Variants in NFIB observed in about 807,000 individuals in gnomAD.
NFIB encodes nuclear factor 1 B-type.
In NFIB, 11 loss-of-function variants were observed where a neutral mutation model predicts 61.5. The ratio of observed to expected loss-of-function variants is 0.18; its 90% CI spans 0.11 to 0.30. The LOEUF (loss-of-function observed/expected upper bound fraction) is 0.30. Ranked by LOEUF, NFIB falls within the 10% of genes least tolerant of loss-of-function variation. The pLI is 1.00. For missense variants in NFIB, 471 were observed against 608.9 expected, an observed-to-expected ratio of 0.77 and a Z score of 2.38; for synonymous variants, 260 against 216.5, an observed-to-expected ratio of 1.20 and a Z score of -1.76.
chr9:14,267,521 T>C (rs2057298050), intron 2 of NFIB, among the ~76,000 whole-genome samples: 1 of 152,206 alleles, frequency 6.6e-6, no homozygotes, highest in Admixed American at 6.5e-5. Context: ...TCCTATTTCA[T>C]TTCCTCAGAA....
chr9:14,168,756 A>G (rs989380587), intron 3 of NFIB, among the ~76,000 whole-genome samples: 1 of 152,214 alleles, frequency 6.6e-6, no homozygotes, highest in Non-Finnish European at 1.5e-5. Context: ...CAAAGTGTAA[A>G]GGTTTTTAAA....
upstream of NFIB, among the ~76,000 whole-genome samples, chr9:14,315,433 G>A (rs542373426): frequency 6.7e-6 from 1 of 149,302 alleles, no homozygotes; most frequent in Non-Finnish European, 1.5e-5. Flanking sequence ...CTGCAGCCCC[G>A]CTGGCTGGCT....
At chr9:14,134,150 C>T (rs2040728408) in intron 6 of NFIB, among the ~76,000 whole-genome samples, 1 of 152,160 alleles carries the variant, frequency 6.6e-6, no homozygotes, top group Admixed American at 6.5e-5. Context: ...CTATAAATTT[C>T]TGTCAGAGGA....
intron 1 of NFIB, among the ~76,000 whole-genome samples, chr9:14,381,106 A>T (rs1469199644): frequency 6.7e-6 from 1 of 149,866 alleles, no homozygotes; most frequent in African/African-American, 2.5e-5. Context: ...AGATAATTAT[A>T]ATAATGCCTA....
At chr9:14,455,716 G>C in the NFIB span, among the ~76,000 whole-genome samples, 1 of 152,130 alleles carries the variant, frequency 6.6e-6, no homozygotes, top group African/African-American at 2.4e-5. Flanking sequence ...TCTCAGGGAA[G>C]CTATACATTC....
At chr9:14,135,879 A>G (rs1232102328) in intron 6 of NFIB, among the ~76,000 whole-genome samples, 1 of 152,192 alleles carries the variant, frequency 6.6e-6, no homozygotes, top group Non-Finnish European at 1.5e-5. Context: ...TGAGTTATTT[A>G]ATCTTAATTA....
the NFIB span, among the ~76,000 whole-genome samples, chr9:14,477,201 TAGG>T: frequency 2.6e-5 from 4 of 152,304 alleles, no homozygotes; most frequent in African/African-American, 7.2e-5. Flanking sequence ...GGTGTGGCAT[TAGG>T]AGAAGTGACT....
intron 2 of NFIB, among the ~76,000 whole-genome samples, chr9:14,291,144 CAGG>C (rs1375353271): frequency 6.6e-6 from 1 of 152,052 alleles, no homozygotes; most frequent in Non-Finnish European, 1.5e-5. Flanking sequence ...TAAGCACACA[CAGG>C]GCATTTCTAA....
intron 2 of NFIB, among the ~76,000 whole-genome samples, chr9:14,298,136 A>G (rs1334223963): frequency 6.6e-6 from 1 of 152,222 alleles, no homozygotes. Flanking sequence ...CCTTAAAACT[A>G]TAACATAAGA....
chr9:14,211,184 C>G (rs944512694), intron 2 of NFIB, among the ~76,000 whole-genome samples: 5 of 152,162 alleles, frequency 3.3e-5, no homozygotes, highest in African/African-American at 1.2e-4. Flanking sequence ...TAATCCTCTA[C>G]AATATTGTAT....
the NFIB span, among the ~76,000 whole-genome samples, chr9:14,491,076 A>G: frequency 6.6e-6 from 1 of 152,242 alleles, no homozygotes; most frequent in African/African-American, 2.4e-5. Context: ...AAGCTAGTCC[A>G]TGTGGTTTTA....
chr9:14,300,080 T>C (rs1000845520), intron 2 of NFIB: 4 of 397,692 alleles, frequency 1.0e-5, no homozygotes, highest in African/African-American at 2.1e-5. Context: ...AGTTTGATGA[T>C]TTATTCTCTA....
intron 2 of NFIB, among the ~76,000 whole-genome samples, chr9:14,190,900 C>T (rs1418108014): frequency 6.6e-6 from 1 of 152,118 alleles, no homozygotes; most frequent in African/African-American, 2.4e-5. Context: ...GTTTAAAATA[C>T]AGATAATCCT....
chr9:14,514,638 T>C, the NFIB span, among the ~76,000 whole-genome samples: 4 of 152,156 alleles, frequency 2.6e-5, no homozygotes, highest in Non-Finnish European at 5.9e-5. Flanking sequence ...TTAACACCCA[T>C]ATTGCTTGAG....
intron 2 of NFIB, among the ~76,000 whole-genome samples, chr9:14,288,794 G>T (rs1315551173): frequency 6.6e-6 from 1 of 151,932 alleles, no homozygotes; most frequent in East Asian, 1.9e-4. Context: ...ACTCGGACAA[G>T]GCCATCAGTA....
chr9:14,203,548 C>T lies in NFIB; in HGVS notation c.563-23768G>A, dbSNP rs564260178. Among the ~76,000 whole-genome samples, 132 of 152,218 alleles carry T rather than the reference C, an allele frequency of 8.7e-4. 1 individual carries two copies. Among genetic ancestry groups the T allele is most frequent in the South Asian group, 7.9e-3 (38 of 4,830 alleles). ...CTGCCAAGAGTGTCTTGGCACGGAGCGACTGCAGTTTTTGGCAGCCAGGAG... is the reference window on the plus strand; with the variant it reads ...CTGCCAAGAGTGTCTTGGCACGGAGTGACTGCAGTTTTTGGCAGCCAGGAG... On this transcript the variant is annotated intron_variant, in intron 2 of 10. Coordinates refer to ENST00000380953, the MANE Select transcript of NFIB (RefSeq NM_001190737.2).
chr9:14,286,872 C>T (rs1041651100), intron 2 of NFIB, among the ~76,000 whole-genome samples: 2 of 152,146 alleles, frequency 1.3e-5, no homozygotes, highest in African/African-American at 4.8e-5. Flanking sequence ...TGTCAGTGTT[C>T]ATAATCTCCC....
At chr9:14,220,144 G>A (rs2051465221) in intron 2 of NFIB, among the ~76,000 whole-genome samples, 1 of 152,206 alleles carries the variant, frequency 6.6e-6, no homozygotes, top group Non-Finnish European at 1.5e-5. Context: ...CAAGTGGAGA[G>A]AAAGCAAAAT....
the NFIB span, among the ~76,000 whole-genome samples, chr9:14,514,323 T>C: frequency 9.5e-4 from 140 of 147,400 alleles, no homozygotes; most frequent in African/African-American, 2.9e-3. Context: ...CATACATACA[T>C]ACATACACAC....
Sources: allele counts gnomAD v4.1 joint callset (sites outside exome capture counted in the v4.1 genomes callset), GRCh38; gene constraint gnomAD v4.1.1; transcripts MANE v1.5; gene names NCBI Gene and HGNC (gene_info 2026-07-23, HGNC 2026-07-21).